The following ANKS1B variants were observed in gnomAD, a reference collection of about 807,000 sequenced individuals.
ANKS1B encodes ankyrin repeat and sterile alpha motif domain containing 1B, also known as ankyrin repeat and sterile alpha motif domain-containing protein 1B.
In ANKS1B, 36 loss-of-function variants were observed where a neutral mutation model predicts 148.3. The ratio of observed to expected loss-of-function variants is 0.24; its 90% CI spans 0.19 to 0.32. The LOEUF (loss-of-function observed/expected upper bound fraction) is 0.32, where lower values mean the gene tolerates loss of function less well. Ranked by LOEUF, ANKS1B falls within the 10% of genes least tolerant of loss-of-function variation. The pLI, the probability that ANKS1B is intolerant of heterozygous loss-of-function variation, is 1.00. For missense variants in ANKS1B, 1,157 were observed against 1,542.6 expected, an observed-to-expected ratio of 0.75 and a Z score of 4.19; for synonymous variants, 542 against 560.8, an observed-to-expected ratio of 0.97 and a Z score of 0.47.
intron 17 of ANKS1B, among the ~76,000 whole-genome samples, chr12:98,946,183 T>C (rs2099845276): frequency 6.6e-6 from 1 of 152,202 alleles, no homozygotes. Context: ...TCCTCATCCT[T>C]AAGTGAAAGT....
At chr12:99,097,988 A>C (rs1443948283) in intron 15 of ANKS1B, among the ~76,000 whole-genome samples, 3 of 152,208 alleles carry the variant, frequency 2.0e-5, no homozygotes, top group Non-Finnish European at 2.9e-5. Flanking sequence ...TGAGGGAGCA[A>C]GGAGACCTGG....
At chr12:99,497,528 C>T (rs1004030361) in intron 10 of ANKS1B, among the ~76,000 whole-genome samples, 3 of 152,094 alleles carry the variant, frequency 2.0e-5, no homozygotes, top group Non-Finnish European at 4.4e-5. Context: ...CCTTGGTTTG[C>T]GAATGGCTGC....
intron 11 of ANKS1B, among the ~76,000 whole-genome samples, chr12:99,402,711 AGTCT>A (rs1312158837): frequency 6.1e-5 from 9 of 146,360 alleles, no homozygotes; most frequent in Non-Finnish European, 1.4e-4. Flanking sequence ...TTCTTTATCC[AGTCT>A]ATCATTGGTG....
intron 10 of ANKS1B, among the ~76,000 whole-genome samples, chr12:99,465,223 C>T (rs573668377): frequency 7.0e-4 from 107 of 151,850 alleles, no homozygotes; most frequent in Admixed American, 3.7e-3. Context: ...AATAACATAC[C>T]TTACAGACAA....
intron 14 of ANKS1B, among the ~76,000 whole-genome samples, chr12:99,176,937 GT>G (rs1351495900): frequency 3.9e-5 from 6 of 152,118 alleles, no homozygotes; most frequent in African/African-American, 1.4e-4. Flanking sequence ...AGTCTCAGAT[GT>G]TTCTTTATTG....
chr12:99,437,787 C>T (rs756944530), intron 11 of ANKS1B, among the ~76,000 whole-genome samples: 14 of 151,942 alleles, frequency 9.2e-5, no homozygotes, highest in Admixed American at 7.2e-4. Flanking sequence ...TTCTCTGCAA[C>T]CAGAAACTGT....
chr12:99,329,988 C>T (rs534880636), intron 12 of ANKS1B, among the ~76,000 whole-genome samples: 109 of 151,994 alleles, frequency 7.2e-4, no homozygotes, highest in Admixed American at 2.4e-3. Context: ...ATCTATTTCT[C>T]CCTTAAACTG....
intron 17 of ANKS1B, among the ~76,000 whole-genome samples, chr12:98,965,703 G>T (rs573942202): frequency 6.6e-6 from 1 of 152,214 alleles, no homozygotes; most frequent in East Asian, 1.9e-4. Context: ...AACAGAGATA[G>T]AGACCAATGG....
chr12:99,773,864 G>A (rs1204964658), intron 7 of ANKS1B, among the ~76,000 whole-genome samples: 1 of 151,964 alleles, frequency 6.6e-6, no homozygotes, highest in African/African-American at 2.4e-5. Flanking sequence ...TTTGATTACT[G>A]TAGCTCTTCA....
intron 8 of ANKS1B, among the ~76,000 whole-genome samples, chr12:99,768,681 C>T (rs1381898387): frequency 6.6e-6 from 1 of 151,920 alleles, no homozygotes; most frequent in Non-Finnish European, 1.5e-5. Flanking sequence ...AAAAAATTAG[C>T]CAGGTGTGGT....
chr12:99,090,341 T>C (rs1302381779), intron 15 of ANKS1B, among the ~76,000 whole-genome samples: 2 of 152,150 alleles, frequency 1.3e-5, no homozygotes, highest in Non-Finnish European at 2.9e-5. Flanking sequence ...TAGAAAATGT[T>C]AGGAAAATAT....
chr12:99,764,755 C>T (rs554725199), intron 8 of ANKS1B, among the ~76,000 whole-genome samples: 16 of 152,254 alleles, frequency 1.1e-4, no homozygotes, highest in Admixed American at 9.8e-4. Flanking sequence ...ATATATTTAT[C>T]TAAGACATTA....
intron 9 of ANKS1B, among the ~76,000 whole-genome samples, chr12:99,506,986 A>C (rs1215655595): frequency 6.6e-6 from 1 of 151,938 alleles, no homozygotes; most frequent in Admixed American, 6.6e-5. Context: ...CCTAGAATCT[A>C]ATACAGGTCC....
chr12:99,838,328 T>G (rs745820240), intron 1 of ANKS1B, among the ~76,000 whole-genome samples: 1 of 152,200 alleles, frequency 6.6e-6, no homozygotes, highest in Non-Finnish European at 1.5e-5. Context: ...TTCTTTGAGA[T>G]ATTTCCATGA....
chr12:99,655,867 T>G (rs116985965), intron 8 of ANKS1B, among the ~76,000 whole-genome samples: 1 of 152,130 alleles, frequency 6.6e-6, no homozygotes, highest in Non-Finnish European at 1.5e-5. Flanking sequence ...AACTTTTGGA[T>G]AACAGATGGG....
chr12:99,732,839 T>C (rs998496806), intron 8 of ANKS1B, among the ~76,000 whole-genome samples: 1 of 152,188 alleles, frequency 6.6e-6, no homozygotes, highest in African/African-American at 2.4e-5. Context: ...TCTTCATGTA[T>C]ATTAACGTAC....
intron 9 of ANKS1B, among the ~76,000 whole-genome samples, chr12:99,541,418 T>G (rs1195740365): frequency 6.6e-6 from 1 of 152,132 alleles, no homozygotes; most frequent in African/African-American, 2.4e-5. Context: ...ACATACAAAA[T>G]AATTATATAT....
At chr12:99,941,473 A>T (rs970103271) in intron 1 of ANKS1B, among the ~76,000 whole-genome samples, 3 of 152,300 alleles carry the variant, frequency 2.0e-5, no homozygotes, top group South Asian at 2.1e-4. Flanking sequence ...TTAAAAAAAA[A>T]AATAACGACA....
intron 3 of ANKS1B, among the ~76,000 whole-genome samples, chr12:99,809,635 T>G (rs983555793): frequency 2.0e-4 from 30 of 152,020 alleles, no homozygotes; most frequent in African/African-American, 7.0e-4. Flanking sequence ...ATCTGTATAA[T>G]GAGAATATTA....
Sources: gnomAD v4.1 joint callset for allele counts (sites outside exome capture counted in the v4.1 genomes callset) on GRCh38, gnomAD v4.1.1 for gene constraint, MANE v1.5 for transcripts, NCBI Gene and HGNC (gene_info 2026-07-23, HGNC 2026-07-21) for gene names.